Variants in KLHL1 observed in about 807,000 individuals in gnomAD.
KLHL1 encodes the protein kelch-like protein 1.
In KLHL1, 47 loss-of-function variants were observed where a neutral mutation model predicts 77.7. The ratio of observed to expected loss-of-function variants is 0.60; its 90% CI spans 0.48 to 0.77. KLHL1 has a LOEUF of 0.77. KLHL1 is among the 30% of genes least tolerant of loss of function. The pLI is 0.00. For synonymous variants in KLHL1, 360 were observed against 325.2 expected (o/e 1.11, Z -1.15); for missense variants, 925 against 910.8 (o/e 1.02, Z -0.20).
At chr13:69,780,733 C>CAA (rs1555267681) in intron 7 of KLHL1, among the ~76,000 whole-genome samples, 1 of 42,080 alleles carries the variant, frequency 2.4e-5, no homozygotes, top group South Asian at 8.8e-4. Context: ...TATATATATA[C>CAA]ATATATATAT....
At chr13:69,843,823 A>G (rs987434561) in intron 5 of KLHL1, among the ~76,000 whole-genome samples, 3 of 151,542 alleles carry the variant, frequency 2.0e-5, no homozygotes, top group Non-Finnish European at 4.4e-5. Context: ...TTTTTTTTAT[A>G]CTTTAAGTTC....
intron 8 of KLHL1, among the ~76,000 whole-genome samples, chr13:69,729,160 G>A (rs1048382881): frequency 3.9e-5 from 6 of 152,104 alleles, no homozygotes; most frequent in Admixed American, 2.6e-4. Flanking sequence ...ACCACACATC[G>A]ACGTTTATTC....
At chr13:69,708,280 G>C (rs190428873) in intron 9 of KLHL1, among the ~76,000 whole-genome samples, 5 of 152,088 alleles carry the variant, frequency 3.3e-5, no homozygotes, top group Admixed American at 2.0e-4. Flanking sequence ...AATAACTGTA[G>C]TGTTTTGTTG....
Position 69,740,645 on chromosome 13 carries a change from A to C in KLHL1, c.1640-89T>G, listed in dbSNP as rs1203586711. On this transcript the variant is annotated intron_variant, in intron 7 of 10. Coordinates refer to ENST00000377844, the MANE Select transcript of KLHL1 (RefSeq NM_020866.3). Reference sequence around the variant, plus strand: ...TGTTAAGTGGGTAGATCTCATGTTAAGTGTCCCTAACATAATAAAATGAAA... The same window carrying C: ...TGTTAAGTGGGTAGATCTCATGTTACGTGTCCCTAACATAATAAAATGAAA... 4.5e-6 allele frequency: 4 copies of C among 892,832 alleles called. No homozygotes were observed. The East Asian group carries it at 7.8e-5, about 17-fold the overall frequency. The allele number at this position is 892,832 out of a possible 1,614,324, so 55.3% of individuals were successfully genotyped here. A position where few individuals can be genotyped will look rare whatever the true frequency, so the allele number is the denominator to read the frequency against.
rs1355350638 is a variant in KLHL1, at chr13:70,052,781, TA to T, written c.497+54421del. ...GGCCTTAGGTTAATTTCAACATAAT[TA>T]GGGGTAGGAAACACAGCAACAAGTG... On this transcript the variant is annotated intron_variant, in intron 1 of 10. Transcript: ENST00000377844. Among the ~76,000 whole-genome samples, 5 of 151,916 alleles carry T rather than the reference TA, an allele frequency of 3.3e-5. 1 individual carries two copies. The highest frequency in any genetic ancestry group is 3.3e-4 in the Admixed American group (5 of 15,224).
At chr13:70,090,539 T>C (rs1566567329) in intron 1 of KLHL1, among the ~76,000 whole-genome samples, 3 of 151,978 alleles carry the variant, frequency 2.0e-5, no homozygotes, top group African/African-American at 7.2e-5. Context: ...CTGCTCTTTC[T>C]CTTGCTTTCT....
At chr13:69,742,374 C>G (rs1413913504) in intron 7 of KLHL1, among the ~76,000 whole-genome samples, 1 of 152,104 alleles carries the variant, frequency 6.6e-6, no homozygotes, top group Non-Finnish European at 1.5e-5. Flanking sequence ...CACTCAGTAA[C>G]TTGACTTTAA....
intron 3 of KLHL1, among the ~76,000 whole-genome samples, chr13:69,952,089 A>G (rs1292246523): frequency 6.6e-6 from 1 of 151,482 alleles, no homozygotes; most frequent in Non-Finnish European, 1.5e-5. Flanking sequence ...TTTGATTACA[A>G]GGTTCTAAAT....
At chr13:69,987,519 G>T (rs1884906017) in intron 1 of KLHL1, among the ~76,000 whole-genome samples, 2 of 151,868 alleles carry the variant, frequency 1.3e-5, no homozygotes, top group South Asian at 2.1e-4. Context: ...TTTAATCTAG[G>T]TCAAAGGAAA....
At position 70,084,622 on chromosome 13, in the gene KLHL1, C is replaced by CTTTTTTTTTTTTTTTTTTTT. The variant is rs71116988; in HGVS notation, c.497+22561_497+22580dup. On this transcript the variant is annotated intron_variant, in intron 1 of 10. Coordinates refer to ENST00000377844, the MANE Select transcript of KLHL1 (RefSeq NM_020866.3). Reference sequence around the variant, plus strand: ...TACAGGCACCTGCCACCACGCCAGGCTTTTTTTTTTTTTTTTTTTTTTTTT... The same window carrying CTTTTTTTTTTTTTTTTTTTT: ...TACAGGCACCTGCCACCACGCCAGGCTTTTTTTTTTTTTTTTTTTTTTTTTTTTTTTTTTTTTTTTTTTTT... 2.3e-3 allele frequency among the ~76,000 whole-genome samples: 34 copies of CTTTTTTTTTTTTTTTTTTTT among 14,952 alleles called. 7 individuals are homozygous for CTTTTTTTTTTTTTTTTTTTT. Among genetic ancestry groups the CTTTTTTTTTTTTTTTTTTTT allele is most frequent in the Non-Finnish European group, 2.7e-3 (27 of 9,850 alleles). The allele number at this position is 14,952 out of a possible 152,430, so 9.8% of individuals were successfully genotyped here. A position where few individuals can be genotyped will look rare whatever the true frequency, so the allele number is the denominator to read the frequency against.
At chr13:70,021,093 G>A (rs1290613237) in intron 1 of KLHL1, among the ~76,000 whole-genome samples, 3 of 151,972 alleles carry the variant, frequency 2.0e-5, no homozygotes, top group African/African-American at 2.4e-5. Context: ...CATTCTGTGG[G>A]TTTGAACAAA....
At chr13:69,968,637 T>G (rs138907470) in intron 2 of KLHL1, among the ~76,000 whole-genome samples, 112 of 152,168 alleles carry the variant, frequency 7.4e-4, no homozygotes, top group African/African-American at 2.6e-3. Context: ...TATGTATGTA[T>G]GTGTGCATGT....
chr13:69,833,836 TATATATACACACAC>T (rs1448836297), intron 6 of KLHL1, among the ~76,000 whole-genome samples: 1 of 145,380 alleles, frequency 6.9e-6, no homozygotes, highest in African/African-American at 2.7e-5. Flanking sequence ...TGTATACATA[TATATATACACACAC>T]ATATATACAC....
chr13:69,784,460 C>G (rs1206965546), intron 7 of KLHL1, among the ~76,000 whole-genome samples: 1 of 152,110 alleles, frequency 6.6e-6, no homozygotes, highest in Non-Finnish European at 1.5e-5. Flanking sequence ...CAGAGACACA[C>G]ATAGGCTCAA....
chr13:69,756,507 A>G (rs1874747735), intron 7 of KLHL1, among the ~76,000 whole-genome samples: 1 of 152,186 alleles, frequency 6.6e-6, no homozygotes, highest in Non-Finnish European at 1.5e-5. Flanking sequence ...ATTTGTTTAA[A>G]TTGAGCTTTT....
chr13:70,107,817 C>G lies in KLHL1; in HGVS notation c.-118G>C. 1 of 758,096 alleles carries G rather than the reference C, an allele frequency of 1.3e-6. No individual in the cohort carries two copies. The highest frequency in any genetic ancestry group is 3.2e-5 in the Admixed American group (1 of 30,784). 47.0% of individuals were successfully genotyped at this position (758,096 alleles called of 1,614,324 possible). ...AGAGGCGGGATGCGCCCTCTGCACCCCTAGAGCCAGAAGACGCTAGGTGGG... is the reference window on the plus strand; with the variant it reads ...AGAGGCGGGATGCGCCCTCTGCACCGCTAGAGCCAGAAGACGCTAGGTGGG... On this transcript the variant is annotated 5_prime_UTR_variant, in exon 1 of 11. Transcript: ENST00000377844.
At chr13:70,070,797 G>T (rs1887120636) in intron 1 of KLHL1, among the ~76,000 whole-genome samples, 1 of 152,062 alleles carries the variant, frequency 6.6e-6, no homozygotes, top group Non-Finnish European at 1.5e-5. Context: ...CAGGAGAAAG[G>T]ACATGAGAAG....
intron 4 of KLHL1, among the ~76,000 whole-genome samples, chr13:69,887,433 A>G (rs1318898929): frequency 1.3e-5 from 2 of 152,100 alleles, no homozygotes; most frequent in African/African-American, 4.8e-5. Context: ...ATAATTTTCA[A>G]ATCTTTAAGA....
At chr13:69,838,121 C>A (rs1879100727) in intron 6 of KLHL1, among the ~76,000 whole-genome samples, 1 of 149,422 alleles carries the variant, frequency 6.7e-6, no homozygotes, top group Admixed American at 6.7e-5. Flanking sequence ...TTTTTCCCTG[C>A]AGCTACAATT....
Sources: allele counts gnomAD v4.1 joint callset (sites outside exome capture counted in the v4.1 genomes callset), GRCh38; gene constraint gnomAD v4.1.1; transcripts MANE v1.5; gene names NCBI Gene and HGNC (gene_info 2026-07-23, HGNC 2026-07-21).